The following CFAP157 variants were observed in gnomAD, a reference collection of about 807,000 sequenced individuals.
CFAP157 encodes the protein cilia and flagella associated protein 157, also known as cilia- and flagella-associated protein 157.
A neutral mutation model predicts 57.8 loss-of-function variants in CFAP157; 43 were observed. That is an observed-to-expected ratio of 0.74 (90% CI 0.58 to 0.96). The LOEUF is 0.96. Among genes scored for constraint, CFAP157 ranks in the 40% least tolerant of loss-of-function variants. The pLI is 0.00. For missense variants in CFAP157, 606 were observed against 655.3 expected, an observed-to-expected ratio of 0.92 and a Z score of 0.82; for synonymous variants, 267 against 269.0, an observed-to-expected ratio of 0.99 and a Z score of 0.07.
rs1842959943 is a variant in CFAP157, at chr9:127,715,669, C to T, written c.*1764C>T. The T allele has an allele frequency of 6.2e-7, 1 of 1,603,438 alleles. No individual in the cohort carries two copies. The highest frequency in any genetic ancestry group is 8.5e-7 in the Non-Finnish European group (1 of 1,177,226). On this transcript the variant is annotated 3_prime_UTR_variant, in exon 9 of 9. Transcript: ENST00000373295. This position sits in a 1 kb window ranked among gnomAD's most constrained non-coding sequence, Gnocchi z 5.8. ...CCCCCATTCACTCCGACACCGCCCC[C>T]TGACGTCATCACCCCGCAGCAGCCA...
rs894956054 is a variant in CFAP157, at chr9:127,715,343, C to T, written c.*1438C>T. 49 of 1,230,918 alleles carry T rather than the reference C, an allele frequency of 4.0e-5. No homozygotes were observed. Among genetic ancestry groups the T allele is most frequent in the Non-Finnish European group, 5.1e-5 (44 of 867,580 alleles). 76.2% of individuals were successfully genotyped at this position (1,230,918 alleles called of 1,614,324 possible). On this transcript the variant is annotated 3_prime_UTR_variant, in exon 9 of 9. Transcript: ENST00000373295. The surrounding 1 kb of genome is among the most constrained non-coding windows in gnomAD (Gnocchi z 5.8). ...CGAAGAAGGGGCCCAGAAACCCGAC[C>T]CCTGAGAACTCCAGAAGGCTGGGCA...
In CFAP157 at chr9:127,713,874, G is replaced by T; in HGVS notation, c.1532G>T (p.Ser511Ile). 1.2e-6 allele frequency: 2 copies of T among 1,613,968 alleles called. No individual in the cohort carries two copies. The highest frequency in any genetic ancestry group is 2.2e-5 in the South Asian group (2 of 91,086). The stretch of plus-strand genomic sequence containing the variant: ...TCTCTAAAAAGGCTTGAAAAGTTTA[G>T]TCTTCCTGAAGTTCCCCTACGTCCC... ...PGSLKRLEKF[S>I]LPEVPLRPK Residue 511 changes from serine (S) to isoleucine (I), a missense_variant, in exon 9 of 9, where the codon AGT becomes ATT. Coordinates refer to ENST00000373295, the MANE Select transcript of CFAP157 (RefSeq NM_001012502.3).
Position 127,710,601 on chromosome 9 carries a change from G to T in CFAP157, c.434G>T (p.Gly145Val), listed in dbSNP as rs202023603. The T allele has an allele frequency of 5.0e-5, 79 of 1,579,846 alleles. No individual in the cohort carries two copies. In the Middle Eastern group the frequency reaches 5.1e-4, roughly 10 times the overall value. ...GGGCCTTGTGCGCTGTGGCGGCCAG[G>T]GGGGAAGCTGGCAGCCCTGGAGGAG... ...DQLTTENIIL[G>V]GKLAALEEFR... The change falls in exon 3 of 9, where the codon GGG (glycine) becomes GTG (valine). Residue 145 changes from glycine (G) to valine (V), a missense_variant and splice_region_variant. Gly to Val is a moderately radical substitution (Grantham distance 109). Transcript: ENST00000373295.
In CFAP157 at chr9:127,715,008, T is replaced by C. The variant is rs1349250659; in HGVS notation, c.*1103T>C. 3 of 1,316,448 alleles carry C rather than the reference T, an allele frequency of 2.3e-6. No individual in the cohort carries two copies. Among genetic ancestry groups the C allele is most frequent in the African/African-American group, 3.1e-5 (2 of 64,636 alleles). The allele number at this position is 1,316,448 out of a possible 1,614,324, so 81.5% of individuals were successfully genotyped here. ...GCCACGCTGCGCCCGTTGGCGTTCA[T>C]AAGCCGCCGTGGCCGGAGCAGGACC... On this transcript the variant is annotated 3_prime_UTR_variant, in exon 9 of 9. Coordinates refer to ENST00000373295, the MANE Select transcript of CFAP157 (RefSeq NM_001012502.3). This position sits in a 1 kb window ranked among gnomAD's most constrained non-coding sequence, Gnocchi z 5.8.
intron 1 of CFAP157, 21 bp downstream of exon 1, chr9:127,707,213 G>C (rs750352185): frequency 1.2e-6 from 2 of 1,605,158 alleles, no homozygotes; most frequent in Non-Finnish European, 1.7e-6. Flanking sequence ...TGGCGGGCAG[G>C]AGTCTGGTGC....
chr9:127,714,709 A>C lies in CFAP157; in HGVS notation c.*804A>C. 6.2e-7 allele frequency: 1 copy of C among 1,607,336 alleles called. No homozygotes were observed. The highest frequency in any genetic ancestry group is 1.1e-5 in the South Asian group (1 of 90,098). On this transcript the variant is annotated 3_prime_UTR_variant, in exon 9 of 9. Coordinates refer to ENST00000373295, the MANE Select transcript of CFAP157 (RefSeq NM_001012502.3). ...GTCAGCCCAAACAGCTCCGCTTAGC[A>C]CAGGGAAACGGCAGCCCTGGTTACT...
rs774608645 is a variant in CFAP157 at position 127,714,181 on chromosome 9, C to A, written c.*276C>A. ...CGGTGGCTCGATCCAGCAACAGAGG[C>A]AGCAGCTCCTGCTCAGCAGGGGAGA... On this transcript the variant is annotated 3_prime_UTR_variant, in exon 9 of 9. Transcript: ENST00000373295. The A allele has an allele frequency of 1.8e-5, 29 of 1,613,848 alleles. No individual in the cohort carries two copies. The highest frequency in any genetic ancestry group is 2.5e-5 in the Non-Finnish European group (29 of 1,180,028).
intron 5 of CFAP157, 35 bp from the exon 6 acceptor site, chr9:127,712,164 G>A: frequency 6.2e-7 from 1 of 1,611,870 alleles, no homozygotes; most frequent in Non-Finnish European, 8.5e-7. Context: ...CTGGGGAAGG[G>A]GGAAGGCTGT....
In CFAP157 at chr9:127,707,014, C is replaced by G; in HGVS notation, c.-18C>G. 1 of 1,612,760 alleles carries G rather than the reference C, an allele frequency of 6.2e-7. No homozygotes were observed. Among genetic ancestry groups the G allele is most frequent in the Non-Finnish European group, 8.5e-7 (1 of 1,179,352 alleles). On this transcript the variant is annotated 5_prime_UTR_variant, in exon 1 of 9. Coordinates refer to ENST00000373295, the MANE Select transcript of CFAP157 (RefSeq NM_001012502.3). Reference sequence around the variant, plus strand: ...CCTGGCCTCTTCCTGGGGCCTGGAGCCCTGGTTGCCATCAGCCATGGCTCC... The same window carrying G: ...CCTGGCCTCTTCCTGGGGCCTGGAGGCCTGGTTGCCATCAGCCATGGCTCC...
In CFAP157 at chr9:127,714,366, A is replaced by C; in HGVS notation, c.*461A>C. 1 of 1,614,212 alleles carries C rather than the reference A, an allele frequency of 6.2e-7. No individual in the cohort carries two copies. Reference sequence around the variant, plus strand: ...CCACCCGACCCAGTTGCACAACAAAAGGGTAGACTCACATTGGAGTTGAGG... The same window carrying C: ...CCACCCGACCCAGTTGCACAACAAACGGGTAGACTCACATTGGAGTTGAGG... On this transcript the variant is annotated 3_prime_UTR_variant, in exon 9 of 9. Transcript: ENST00000373295.
chr9:127,711,137 A>G lies in CFAP157; in HGVS notation c.588-92A>G, dbSNP rs1842756666. ...GGGAGAGAGCATGCTGGTGTTTAACAGCCCTAGGTGCTCTGGGAACCTCAC... is the reference window on the plus strand; with the variant it reads ...GGGAGAGAGCATGCTGGTGTTTAACGGCCCTAGGTGCTCTGGGAACCTCAC... On this transcript the variant is annotated intron_variant, in intron 3 of 8. Coordinates refer to ENST00000373295, the MANE Select transcript of CFAP157 (RefSeq NM_001012502.3). 4 of 1,480,276 alleles carry G rather than the reference A, an allele frequency of 2.7e-6. No homozygotes were observed. The South Asian group carries it at 5.4e-5, about 20-fold the overall frequency. 91.7% of individuals were successfully genotyped at this position (1,480,276 alleles called of 1,614,324 possible).
intron 1 of CFAP157, among the ~76,000 whole-genome samples, chr9:127,707,862 G>A (rs1412023307): frequency 1.3e-5 from 2 of 152,158 alleles, no homozygotes; most frequent in African/African-American, 2.4e-5. Flanking sequence ...ACCAGTAGGC[G>A]GCAGCTCTTC....
At chr9:127,712,424 G>A in intron 6 of CFAP157, 75 bp downstream of exon 6, 1 of 1,570,600 alleles carries the variant, frequency 6.4e-7, no homozygotes, top group Admixed American at 1.8e-5. Flanking sequence ...TGCAGAGAAG[G>A]GGCTGCCTCA....
intron 2 of CFAP157, among the ~76,000 whole-genome samples, chr9:127,710,250 T>C (rs1444568438): frequency 3.5e-5 from 5 of 141,136 alleles, no homozygotes; most frequent in African/African-American, 1.1e-4. Flanking sequence ...GCCACTGCAC[T>C]CCAGCCTGAG....
At chr9:127,711,128 GTGTTTAAC>G in intron 3 of CFAP157, 93 bp from the exon 4 acceptor site, 1 of 1,424,018 alleles carries the variant, frequency 7.0e-7, no homozygotes, top group South Asian at 1.4e-5. Flanking sequence ...GAGCATGCTG[GTGTTTAAC>G]AGCCCTAGGT....
chr9:127,713,924 T>C lies in CFAP157; in HGVS notation c.*19T>C. ...CAAGTAGGACACAGAGAGAAGAACC[T>C]ACTCCAGAAATGGACTGGTCCAGTC... On this transcript the variant is annotated 3_prime_UTR_variant, in exon 9 of 9. Transcript: ENST00000373295. The C allele has an allele frequency of 6.2e-7, 1 of 1,611,300 alleles. No individual in the cohort carries two copies. The highest frequency in any genetic ancestry group is 8.5e-7 in the Non-Finnish European group (1 of 1,177,544).
At position 127,711,566 on chromosome 9, in the gene CFAP157, G is replaced by A. The variant is rs542189806; in HGVS notation, c.855+70G>A. The A allele has an allele frequency of 5.1e-5, 80 of 1,556,902 alleles. 1 individual carries two copies. The African/African-American group carries it at 9.4e-4, about 18-fold the overall frequency. ...GGAGGCCGCCCTGGGGGCCCTGCAG[G>A]GGTAGAGTCAGGGGCAGTCAAGTCA... On this transcript the variant is annotated intron_variant, in intron 4 of 8. Transcript: ENST00000373295.
In CFAP157 at chr9:127,715,994, T is replaced by C. The variant is rs775292326; in HGVS notation, c.*2089T>C. 1.8e-6 allele frequency: 2 copies of C among 1,120,858 alleles called. No individual in the cohort carries two copies. Among genetic ancestry groups the C allele is most frequent in the Non-Finnish European group, 2.6e-6 (2 of 765,464 alleles). The allele number at this position is 1,120,858 out of a possible 1,614,324, so 69.4% of individuals were successfully genotyped here. Reference sequence around the variant, plus strand: ...CAACCTCTCCAGCTAATAAAAGTTTTCTACCTCCCTCCGGCTCAAAAAGCT... The same window carrying C: ...CAACCTCTCCAGCTAATAAAAGTTTCCTACCTCCCTCCGGCTCAAAAAGCT... On this transcript the variant is annotated 3_prime_UTR_variant, in exon 9 of 9. Transcript: ENST00000373295. This position sits in a 1 kb window ranked among gnomAD's most constrained non-coding sequence, Gnocchi z 5.8.
chr9:127,707,168 G>C lies in CFAP157; in HGVS notation c.137G>C (p.Arg46Pro), dbSNP rs1329143180. The change falls in exon 1 of 9, where the codon CGA (arginine) becomes CCA (proline). Residue 46 changes from arginine to proline, a missense_variant. Arg to Pro is a moderately radical substitution (Grantham distance 103, BLOSUM62 -2). Coordinates refer to ENST00000373295, the MANE Select transcript of CFAP157 (RefSeq NM_001012502.3). Reference protein sequence around the residue: ...EMKEFYHIQIRDLEDRLARYQ... With the variant: ...EMKEFYHIQIPDLEDRLARYQ... ...AAGGAGTTCTACCACATCCAGATCC[G>C]AGACCTGGAGGACCGGCTAGCCCGG... 2 of 1,613,134 alleles carry C rather than the reference G, an allele frequency of 1.2e-6. No individual in the cohort carries two copies. Among genetic ancestry groups the C allele is most frequent in the East Asian group, 4.5e-5 (2 of 44,834 alleles).
Sources: allele counts gnomAD v4.1 joint callset (sites outside exome capture counted in the v4.1 genomes callset), GRCh38; gene constraint gnomAD v4.1.1; non-coding constraint Gnocchi (gnomAD v3.1); transcripts MANE v1.5; gene names NCBI Gene and HGNC (gene_info 2026-07-23, HGNC 2026-07-21).